WWOX: variants seen among roughly 807,000 people sequenced by gnomAD.
WWOX encodes the protein WW domain-containing oxidoreductase.
In WWOX, 69 loss-of-function variants were observed where a neutral mutation model predicts 46.2. The ratio of observed to expected loss-of-function variants is 1.49; its 90% CI spans 1.23 to 1.82. WWOX has a LOEUF of 1.82. WWOX is among the 40% of genes most tolerant of loss of function. The pLI, the probability that WWOX is intolerant of heterozygous loss-of-function variation, is 0.00. For missense variants in WWOX, 919 were observed against 542.6 expected (o/e 1.69, Z -6.89); for synonymous variants, 359 against 202.6 (o/e 1.77, Z -6.56).
In WWOX at chr16:78,628,150, G is replaced by A. The variant is rs116430887; in HGVS notation, c.1056+195398G>A. 2.3e-3 allele frequency among the ~76,000 whole-genome samples: 349 copies of A among 152,328 alleles called. 1 individual carries two copies. The highest frequency in any genetic ancestry group is 7.7e-3 in the African/African-American group (321 of 41,578). Reference sequence around the variant, plus strand: ...CCGAGGATCTGCTTCCTTTGTTGGAGGTGGGAAAGCAAAAGCTGGATGCTT... The same window carrying A: ...CCGAGGATCTGCTTCCTTTGTTGGAAGTGGGAAAGCAAAAGCTGGATGCTT... On this transcript the variant is annotated intron_variant, in intron 8 of 8. Coordinates refer to ENST00000566780, the MANE Select transcript of WWOX (RefSeq NM_016373.4).
chr16:78,788,994 A>AT (rs2050525546), intron 8 of WWOX, among the ~76,000 whole-genome samples: 1 of 152,102 alleles, frequency 6.6e-6, no homozygotes, highest in Admixed American at 6.5e-5. Flanking sequence ...ATTTGCAAAC[A>AT]TTTTCTCTCA....
intron 6 of WWOX, among the ~76,000 whole-genome samples, chr16:78,404,339 G>A (rs1411177722): frequency 1.3e-5 from 2 of 152,076 alleles, no homozygotes; most frequent in Non-Finnish European, 2.9e-5. Flanking sequence ...ATAACCCTAG[G>A]TGTGAGAGCA....
At chr16:78,297,860 A>G (rs1180315161) in intron 5 of WWOX, among the ~76,000 whole-genome samples, 2 of 152,158 alleles carry the variant, frequency 1.3e-5, no homozygotes, top group East Asian at 3.9e-4. Flanking sequence ...CCATTTTTCC[A>G]TATGGAGTTG....
chr16:78,788,640 C>G (rs976135964), intron 8 of WWOX, among the ~76,000 whole-genome samples: 6 of 152,206 alleles, frequency 3.9e-5, no homozygotes, highest in African/African-American at 1.4e-4. Context: ...CATCTCTGTC[C>G]TTAGTACTGT....
At position 78,734,522 on chromosome 16, in the gene WWOX, G is replaced by A. The variant is rs1177642685; in HGVS notation, c.1056+301770G>A. On this transcript the variant is annotated intron_variant, in intron 8 of 8. Coordinates refer to ENST00000566780, the MANE Select transcript of WWOX (RefSeq NM_016373.4). ...GGGAGACATTTCTTTACCTACCTGGGACCTCAGACCTTGGACCTCACTGAA... is the reference window on the plus strand; with the variant it reads ...GGGAGACATTTCTTTACCTACCTGGAACCTCAGACCTTGGACCTCACTGAA... Among the ~76,000 whole-genome samples, 2 of 151,902 alleles carry A rather than the reference G, an allele frequency of 1.3e-5. 1 individual carries two copies. The highest frequency in any genetic ancestry group is 3.9e-4 in the East Asian group (2 of 5,168).
intron 8 of WWOX, among the ~76,000 whole-genome samples, chr16:78,869,980 C>G (rs1395231531): frequency 1.3e-5 from 2 of 152,184 alleles, no homozygotes; most frequent in African/African-American, 2.4e-5. Context: ...GTTTTGGAAG[C>G]TGAATGACAC....
At chr16:79,190,568 G>A (rs1158835901) in intron 8 of WWOX, among the ~76,000 whole-genome samples, 5 of 152,120 alleles carry the variant, frequency 3.3e-5, no homozygotes, top group African/African-American at 7.2e-5. Context: ...AAACTGGCAC[G>A]ACAGTTCAGT....
At position 78,523,872 on chromosome 16, in the gene WWOX, T is replaced by C. The variant is rs9923611; in HGVS notation, c.1056+91120T>C. Among the ~76,000 whole-genome samples, 663 of 152,210 alleles carry C rather than the reference T, an allele frequency of 4.4e-3. 10 individuals are homozygous for C. Among genetic ancestry groups the C allele is most frequent in the African/African-American group, 0.015 (639 of 41,518 alleles). ...CATAGTGCAGCTAGGAGCTAGAGTT[T>C]TAGGATGAAGAAATTACAGGTAAGA... On this transcript the variant is annotated intron_variant, in intron 8 of 8. Coordinates refer to ENST00000566780, the MANE Select transcript of WWOX (RefSeq NM_016373.4).
chr16:78,819,382 G>T (rs551025837), intron 8 of WWOX, among the ~76,000 whole-genome samples: 65 of 152,268 alleles, frequency 4.3e-4, no homozygotes, highest in African/African-American at 1.5e-3. Flanking sequence ...CCGCCAGTGT[G>T]TCATGTCAGT....
chr16:78,337,445 T>C (rs938650129), intron 5 of WWOX, among the ~76,000 whole-genome samples: 2 of 152,204 alleles, frequency 1.3e-5, no homozygotes, highest in Non-Finnish European at 2.9e-5. Context: ...TGCATTAGTG[T>C]GGCACATTTG....
chr16:78,838,007 C>T (rs1378875614), intron 8 of WWOX, among the ~76,000 whole-genome samples: 1 of 152,154 alleles, frequency 6.6e-6, no homozygotes, highest in African/African-American at 2.4e-5. Flanking sequence ...TTTGCACCTC[C>T]CAAGGCTATT....
Position 78,641,851 on chromosome 16 carries a change from A to G in WWOX, c.1056+209099A>G, listed in dbSNP as rs921969302. ...AAAGCAGCTGCAGAATTTCAGTTCA[A>G]TACTTAAATTAACGGGGAGCCGAAA... On this transcript the variant is annotated intron_variant, in intron 8 of 8. Coordinates refer to ENST00000566780, the MANE Select transcript of WWOX (RefSeq NM_016373.4). Among the ~76,000 whole-genome samples the G allele has an allele frequency of 9.2e-5, 14 of 152,366 alleles. 1 individual carries two copies. The highest frequency in any genetic ancestry group is 6.8e-3 in the Middle Eastern group (2 of 294).
In WWOX at chr16:78,883,554, T is replaced by A. The variant is rs181055316; in HGVS notation, c.1057-328054T>A. Among the ~76,000 whole-genome samples, 233 of 151,962 alleles carry A rather than the reference T, an allele frequency of 1.5e-3. 1 individual carries two copies. The highest frequency in any genetic ancestry group is 5.4e-3 in the African/African-American group (224 of 41,454). ...GCCTGGCGAACATGGCAAAACCCCATCTCTACTAAAAATACAAAAATTACC... is the reference window on the plus strand; with the variant it reads ...GCCTGGCGAACATGGCAAAACCCCAACTCTACTAAAAATACAAAAATTACC... On this transcript the variant is annotated intron_variant, in intron 8 of 8. Coordinates refer to ENST00000566780, the MANE Select transcript of WWOX (RefSeq NM_016373.4).
At chr16:78,973,211 A>G (rs2046506083) in intron 8 of WWOX, among the ~76,000 whole-genome samples, 1 of 152,212 alleles carries the variant, frequency 6.6e-6, no homozygotes, top group African/African-American at 2.4e-5. Flanking sequence ...CCCTTATTAC[A>G]AAACCACAGA....
chr16:78,973,575 C>G (rs1283558672), intron 8 of WWOX, among the ~76,000 whole-genome samples: 1 of 152,074 alleles, frequency 6.6e-6, no homozygotes, highest in Non-Finnish European at 1.5e-5. Context: ...GCAGGGGGCA[C>G]AGTTTTTCTT....
chr16:78,193,946 C>T (rs554938367), intron 5 of WWOX, among the ~76,000 whole-genome samples: 3 of 151,362 alleles, frequency 2.0e-5, no homozygotes, highest in South Asian at 2.1e-4. Flanking sequence ...GGCGTGATCT[C>T]GGCTCACTGC....
At chr16:78,873,008 G>C (rs1024091463) in intron 8 of WWOX, 5 of 152,272 alleles carry the variant, frequency 3.3e-5, no homozygotes, top group African/African-American at 1.2e-4. Flanking sequence ...TGCTGCCCAG[G>C]CTGGTCTGGA....
Position 78,687,210 on chromosome 16 carries a change from T to C in WWOX, c.1056+254458T>C, listed in dbSNP as rs192478664. On this transcript the variant is annotated intron_variant, in intron 8 of 8. Transcript: ENST00000566780. ...AGTTCTCTTGTCTCTGTTCATGATA[T>C]AACAGTAAATCCAAGTTGCTTTAAG... 5.3e-5 allele frequency among the ~76,000 whole-genome samples: 8 copies of C among 152,316 alleles called. No homozygotes were observed. In the East Asian group the frequency reaches 1.4e-3, roughly 26 times the overall value.
intron 5 of WWOX, among the ~76,000 whole-genome samples, chr16:78,260,331 G>C (rs920107876): frequency 1.1e-4 from 17 of 151,520 alleles, no homozygotes; most frequent in African/African-American, 3.9e-4. Flanking sequence ...CCCATCCAAA[G>C]GTCAGCAGCC....
Sources: allele counts gnomAD v4.1 joint callset (sites outside exome capture counted in the v4.1 genomes callset), GRCh38; gene constraint gnomAD v4.1.1; transcripts MANE v1.5; gene names NCBI Gene and HGNC (gene_info 2026-07-23, HGNC 2026-07-21).